The following DSCAM variants were observed in gnomAD, a reference collection of about 807,000 sequenced individuals.
DSCAM encodes the protein DS cell adhesion molecule.
In DSCAM, 47 loss-of-function variants were observed where a neutral mutation model predicts 217.7. The ratio of observed to expected loss-of-function variants is 0.22; its 90% CI spans 0.17 to 0.28. The LOEUF is 0.28. DSCAM is among the 10% of genes least tolerant of loss of function. DSCAM has a pLI of 1.00. For missense variants in DSCAM, 2,080 were observed against 2,618.3 expected (o/e 0.79, Z 4.49); for synonymous variants, 1,056 against 1,015.3 (o/e 1.04, Z -0.76).
rs114256075 is a variant in DSCAM at position 40,124,551 on chromosome 21, T to C, written c.3563-223A>G. Reference sequence around the variant, plus strand: ...AGGGTCTTTACAGAGGTAATCAAGTTAAAATGAGTTTGTTAGGGTGGTCCC... The same window carrying C: ...AGGGTCTTTACAGAGGTAATCAAGTCAAAATGAGTTTGTTAGGGTGGTCCC... On this transcript the variant is annotated intron_variant, in intron 19 of 32. Transcript: ENST00000400454. Among the ~76,000 whole-genome samples, 619 of 152,212 alleles carry C rather than the reference T, an allele frequency of 4.1e-3. 6 individuals carry two copies. Among genetic ancestry groups the C allele is most frequent in the African/African-American group, 0.014 (585 of 41,548 alleles).
At chr21:40,457,976 G>A (rs2075777132) in intron 3 of DSCAM, among the ~76,000 whole-genome samples, 1 of 152,110 alleles carries the variant, frequency 6.6e-6, no homozygotes, top group Admixed American at 6.5e-5. Context: ...AAACATGTAA[G>A]AGGTATGAAT....
At chr21:40,564,399 T>G (rs1391610658) in intron 3 of DSCAM, among the ~76,000 whole-genome samples, 1 of 152,194 alleles carries the variant, frequency 6.6e-6, no homozygotes, top group Non-Finnish European at 1.5e-5. Flanking sequence ...TTGGAGAAAT[T>G]GTTCTGACTA....
chr21:40,457,642 A>C (rs1204604100), intron 3 of DSCAM, among the ~76,000 whole-genome samples: 1 of 152,242 alleles, frequency 6.6e-6, no homozygotes, highest in East Asian at 1.9e-4. Context: ...TATGAAAAGA[A>C]ATATTGCACA....
chr21:40,337,156 G>T (rs1280199663), intron 8 of DSCAM, among the ~76,000 whole-genome samples: 1 of 152,058 alleles, frequency 6.6e-6, no homozygotes, highest in Admixed American at 6.6e-5. Flanking sequence ...TCACAGGGTT[G>T]GTGGGAAAAG....
chr21:40,519,471 G>T (rs1186499201), intron 3 of DSCAM, among the ~76,000 whole-genome samples: 1 of 152,168 alleles, frequency 6.6e-6, no homozygotes, highest in Non-Finnish European at 1.5e-5. Context: ...ACTCTTAAAA[G>T]ACACCTGAGA....
chr21:40,589,334 T>C (rs1294956181), intron 3 of DSCAM, among the ~76,000 whole-genome samples: 2 of 152,192 alleles, frequency 1.3e-5, no homozygotes, highest in African/African-American at 4.8e-5. Flanking sequence ...TCCCGGCACT[T>C]TGGGAGGCCG....
At chr21:40,760,259 G>A (rs1489651437) in intron 1 of DSCAM, among the ~76,000 whole-genome samples, 2 of 152,116 alleles carry the variant, frequency 1.3e-5, no homozygotes, top group East Asian at 1.9e-4. Context: ...CTCATGATCT[G>A]CCCACCATGG....
chr21:40,342,644 A>ATT (rs148949132), intron 6 of DSCAM, among the ~76,000 whole-genome samples: 5 of 89,324 alleles, frequency 5.6e-5, no homozygotes, highest in African/African-American at 1.4e-4. Context: ...ATATATATAT[A>ATT]TATATTTTTT....
chr21:40,084,125 C>A, intron 23 of DSCAM, 119 bp from the exon 24 acceptor site: 1 of 698,340 alleles, frequency 1.4e-6, no homozygotes, highest in African/African-American at 1.8e-5. Context: ...TTTCAGTTTG[C>A]CAAAATATAC....
At position 40,316,343 on chromosome 21, in the gene DSCAM, C is replaced by G. The variant is rs148217451; in HGVS notation, c.1784-3984G>C. On this transcript the variant is annotated intron_variant, in intron 8 of 32. Transcript: ENST00000400454. ...TTGTCAATCATGTCAATTCTTTCTT[C>G]ACTGCTTAAGTTGCCTTGCTTGCAT... is the stretch of plus-strand genomic sequence containing the variant. Among the ~76,000 whole-genome samples, 31 of 152,294 alleles carry G rather than the reference C, an allele frequency of 2.0e-4. No homozygotes were observed. The South Asian group carries it at 3.7e-3, about 18-fold the overall frequency.
intron 1 of DSCAM, among the ~76,000 whole-genome samples, chr21:40,713,596 G>A (rs1198840826): frequency 2.6e-5 from 4 of 152,140 alleles, no homozygotes; most frequent in Admixed American, 1.3e-4. Context: ...GGAAGGGCAA[G>A]TGTAATGAGA....
At chr21:40,508,364 T>C (rs1297307705) in intron 3 of DSCAM, among the ~76,000 whole-genome samples, 1 of 152,066 alleles carries the variant, frequency 6.6e-6, no homozygotes, top group Non-Finnish European at 1.5e-5. Flanking sequence ...TATTTATAAA[T>C]CAAAAAGAGA....
At chr21:40,265,397 C>A (rs1016452870) in intron 11 of DSCAM, among the ~76,000 whole-genome samples, 8 of 151,740 alleles carry the variant, frequency 5.3e-5, no homozygotes, top group Admixed American at 4.6e-4. Flanking sequence ...TTGAAAGAAT[C>A]GGTATTGTGG....
At chr21:40,722,966 A>G (rs115400933) in intron 1 of DSCAM, among the ~76,000 whole-genome samples, 2,310 of 151,740 alleles carry the variant, frequency 0.015, 48 homozygotes, top group African/African-American at 0.053. Flanking sequence ...TCAAGGTGAC[A>G]TAACAATCCT....
At chr21:40,160,922 T>C (rs1390579325) in intron 16 of DSCAM, among the ~76,000 whole-genome samples, 4 of 152,222 alleles carry the variant, frequency 2.6e-5, no homozygotes, top group Non-Finnish European at 4.4e-5. Flanking sequence ...TAAGCCTTAG[T>C]CCAAGTTCAA....
chr21:40,844,310 A>T (rs1479473637), intron 1 of DSCAM, among the ~76,000 whole-genome samples: 1 of 152,200 alleles, frequency 6.6e-6, no homozygotes, highest in African/African-American at 2.4e-5. Context: ...AACTGTTTAA[A>T]GCTGATTTCC....
intron 3 of DSCAM, among the ~76,000 whole-genome samples, chr21:40,598,978 A>T (rs1324387159): frequency 6.6e-6 from 1 of 152,090 alleles, no homozygotes; most frequent in Non-Finnish European, 1.5e-5. Context: ...TCATATCTTT[A>T]TCTTCCACTT....
In DSCAM at chr21:40,151,098, C is replaced by T. The variant is rs139395787; in HGVS notation, c.3019-6367G>A. Among the ~76,000 whole-genome samples the T allele has an allele frequency of 8.2e-3, 1,242 of 152,258 alleles. 6 individuals are homozygous for T. The highest frequency in any genetic ancestry group is 0.013 in the Non-Finnish European group (858 of 68,022). On this transcript the variant is annotated intron_variant, in intron 16 of 32. Transcript: ENST00000400454. ...AGTAGTACCTGTTGTGAGATCTGAT[C>T]GCTGCCTCATCTCTCAAGACTAATG... is the stretch of plus-strand genomic sequence containing the variant.
intron 3 of DSCAM, among the ~76,000 whole-genome samples, chr21:40,627,482 T>G (rs1457343851): frequency 6.6e-6 from 1 of 152,180 alleles, no homozygotes; most frequent in East Asian, 1.9e-4. Context: ...AAGCTAGTAA[T>G]TTTCTTTAAA....
Sources: allele counts gnomAD v4.1 joint callset (sites outside exome capture counted in the v4.1 genomes callset), GRCh38; gene constraint gnomAD v4.1.1; transcripts MANE v1.5; gene names NCBI Gene and HGNC (gene_info 2026-07-23, HGNC 2026-07-21).